The following ENOX1 variants were observed in gnomAD, a reference collection of about 807,000 sequenced individuals.
ENOX1 encodes candidate growth-related and time keeping constitutive hydroquinone (NADH) oxidase.
Under a neutral mutation model 82.5 loss-of-function variants are expected in ENOX1, and 42 were observed. The observed-to-expected ratio is 0.51, with a 90% CI of 0.40 to 0.66. The LOEUF (loss-of-function observed/expected upper bound fraction) is 0.66, where lower values mean the gene tolerates loss of function less well. ENOX1 is among the 30% of genes least tolerant of loss of function. ENOX1 has a pLI of 0.00. For synonymous variants in ENOX1, 271 were observed against 282.2 expected (o/e 0.96, Z 0.40); for missense variants, 608 against 811.6 (o/e 0.75, Z 3.05).
In ENOX1 at chr13:43,574,532, A is replaced by ACCC. The variant is rs1404561620; in HGVS notation, c.-218-90381_-218-90380insGGG. Among the ~76,000 whole-genome samples the ACCC allele has an allele frequency of 2.6e-5, 4 of 152,234 alleles. No homozygotes were observed. In the East Asian group the frequency reaches 7.7e-4, roughly 29 times the overall value. On this transcript the variant is annotated intron_variant, in intron 2 of 16. Coordinates refer to ENST00000690772, the MANE Select transcript of ENOX1 (RefSeq NM_001347969.2). Reference sequence around the variant, plus strand: ...ATCAATGCTTAGAGGACATTAATGGAAATGATTTAATATGTGTGTCATGCA... The same window carrying ACCC: ...ATCAATGCTTAGAGGACATTAATGGACCCAATGATTTAATATGTGTGTCATGCA...
rs1189241559 is a variant in ENOX1 at position 43,786,397 on chromosome 13, G to A, written c.-285+255C>T. ...AGAGCGGGGAACAGCTGTCTGGGGCGCTGGGCACCCCCGGGCGCGTAAAAG... is the reference window on the plus strand; with the variant it reads ...AGAGCGGGGAACAGCTGTCTGGGGCACTGGGCACCCCCGGGCGCGTAAAAG... On this transcript the variant is annotated intron_variant, in intron 1 of 16. Coordinates refer to ENST00000690772, the MANE Select transcript of ENOX1 (RefSeq NM_001347969.2). This position sits in a 1 kb window ranked among gnomAD's most constrained non-coding sequence, Gnocchi z 6.0. Among the ~76,000 whole-genome samples the A allele has an allele frequency of 6.6e-6, 1 of 151,774 alleles. No homozygotes were observed. Among genetic ancestry groups the A allele is most frequent in the Non-Finnish European group, 1.5e-5 (1 of 67,880 alleles).
At chr13:43,732,052 C>A (rs2153822422) in intron 1 of ENOX1, among the ~76,000 whole-genome samples, 1 of 152,282 alleles carries the variant, frequency 6.6e-6, no homozygotes, top group East Asian at 1.9e-4. Context: ...TTACTTCAAC[C>A]TTATAGGAGT....
chr13:43,487,751 A>C (rs932881152), intron 2 of ENOX1, among the ~76,000 whole-genome samples: 3 of 152,178 alleles, frequency 2.0e-5, no homozygotes, highest in African/African-American at 7.2e-5. Context: ...CAGAAACCAC[A>C]CACCCTTTTA....
chr13:43,612,863 C>T (rs978926517), intron 2 of ENOX1, among the ~76,000 whole-genome samples: 16 of 12,696 alleles, frequency 1.3e-3, no homozygotes, highest in Admixed American at 1.7e-3. Flanking sequence ...TCTTTACTCA[C>T]TTCATCATAT....
At chr13:43,488,036 C>T (rs2076490840) in intron 2 of ENOX1, among the ~76,000 whole-genome samples, 1 of 152,224 alleles carries the variant, frequency 6.6e-6, no homozygotes, top group Non-Finnish European at 1.5e-5. Flanking sequence ...AGCCACACTA[C>T]TTTGTCCTTG....
intron 1 of ENOX1, among the ~76,000 whole-genome samples, chr13:43,745,460 A>T (rs564945820): frequency 6.6e-6 from 1 of 152,360 alleles, no homozygotes; most frequent in East Asian, 1.9e-4. Context: ...AATTGTGGAC[A>T]TATCAGTTTT....
chr13:43,521,974 A>C (rs2077789013), intron 2 of ENOX1, among the ~76,000 whole-genome samples: 2 of 152,196 alleles, frequency 1.3e-5, no homozygotes, highest in Non-Finnish European at 2.9e-5. Flanking sequence ...CATGTATAGA[A>C]TCATGAATAG....
At chr13:43,359,213 T>C (rs2050342445) in intron 7 of ENOX1, among the ~76,000 whole-genome samples, 1 of 152,200 alleles carries the variant, frequency 6.6e-6, no homozygotes, top group Non-Finnish European at 1.5e-5. Flanking sequence ...AGTCTGAGAA[T>C]GTGTCCTTCC....
intron 9 of ENOX1, among the ~76,000 whole-genome samples, chr13:43,338,749 C>A (rs1030768934): frequency 6.9e-6 from 1 of 144,644 alleles, no homozygotes; most frequent in Non-Finnish European, 1.5e-5. Flanking sequence ...GCAGTGGCGC[C>A]ATCTCGGCTC....
At chr13:43,369,621 G>T (rs1010076267) in intron 5 of ENOX1, among the ~76,000 whole-genome samples, 3 of 152,162 alleles carry the variant, frequency 2.0e-5, no homozygotes, top group African/African-American at 7.2e-5. Context: ...CTTTGAAGTT[G>T]ACATTTTGAA....
chr13:43,656,252 G>C (rs1306464497), intron 2 of ENOX1, among the ~76,000 whole-genome samples: 4 of 152,072 alleles, frequency 2.6e-5, no homozygotes, highest in Non-Finnish European at 4.4e-5. Flanking sequence ...GCTCCTTATG[G>C]AACAGTTAGA....
intron 2 of ENOX1, among the ~76,000 whole-genome samples, chr13:43,645,815 T>C (rs2083872507): frequency 1.3e-5 from 2 of 152,236 alleles, no homozygotes; most frequent in Non-Finnish European, 2.9e-5. Context: ...ATGGTCATTA[T>C]TTTAGCTAAT....
chr13:43,567,620 T>C (rs1479792582), intron 2 of ENOX1, among the ~76,000 whole-genome samples: 1 of 152,160 alleles, frequency 6.6e-6, no homozygotes, highest in African/African-American at 2.4e-5. Context: ...AAGAGAATCA[T>C]AAATGTTCAT....
intron 10 of ENOX1, among the ~76,000 whole-genome samples, chr13:43,325,370 G>A (rs557919694): frequency 5.9e-5 from 9 of 152,168 alleles, no homozygotes; most frequent in African/African-American, 1.7e-4. Context: ...GAAGTCATTC[G>A]GTATTCACCA....
At chr13:43,676,126 G>A (rs559115727) in intron 1 of ENOX1, among the ~76,000 whole-genome samples, 4 of 152,112 alleles carry the variant, frequency 2.6e-5, no homozygotes, top group Non-Finnish European at 5.9e-5. Context: ...TCATGCCCAG[G>A]AATCACAGGC....
chr13:43,531,020 C>T (rs1027264856), intron 2 of ENOX1, among the ~76,000 whole-genome samples: 5 of 151,716 alleles, frequency 3.3e-5, no homozygotes, highest in Middle Eastern at 3.4e-3. Flanking sequence ...ACAAATTGTC[C>T]TACTCTATAA....
intron 2 of ENOX1, among the ~76,000 whole-genome samples, chr13:43,541,388 C>G (rs1011252726): frequency 6.6e-6 from 1 of 151,866 alleles, no homozygotes; most frequent in Non-Finnish European, 1.5e-5. Context: ...GTAGTCCCAG[C>G]TACTCAGAAG....
At chr13:43,547,962 C>T (rs565851645) in intron 2 of ENOX1, 1 of 152,292 alleles carries the variant, frequency 6.6e-6, no homozygotes, top group South Asian at 2.1e-4. Context: ...CATTCCTGTC[C>T]AGAAACCCAA....
chr13:43,495,664 T>C (rs1193797894), intron 2 of ENOX1, among the ~76,000 whole-genome samples: 2 of 115,588 alleles, frequency 1.7e-5, no homozygotes, highest in Non-Finnish European at 2.1e-5. Context: ...TTCTCAGGGC[T>C]TTATGTTCTT....
Sources: gnomAD v4.1 joint callset for allele counts (sites outside exome capture counted in the v4.1 genomes callset) on GRCh38, gnomAD v4.1.1 for gene constraint, Gnocchi (gnomAD v3.1) non-coding constraint, MANE v1.5 for transcripts, NCBI Gene and HGNC (gene_info 2026-07-23, HGNC 2026-07-21) for gene names.